HIVEP3: variants seen among roughly 807,000 people sequenced by gnomAD.
The protein encoded by HIVEP3 is transcription factor HIVEP3.
Under a neutral mutation model 152.8 loss-of-function variants are expected in HIVEP3, and 49 were observed. The observed-to-expected ratio is 0.32, with a 90% CI of 0.26 to 0.41. HIVEP3 has a LOEUF of 0.41. HIVEP3 is among the 10% of genes least tolerant of loss of function. The pLI is 1.00. For missense variants in HIVEP3, 2,790 were observed against 3,103.3 expected (o/e 0.90, Z 2.40); for synonymous variants, 1,269 against 1,289.0 (o/e 0.98, Z 0.33).
intron 5 of HIVEP3, among the ~76,000 whole-genome samples, chr1:41,551,235 C>T (rs569042167): frequency 2.0e-5 from 3 of 152,170 alleles, no homozygotes; most frequent in African/African-American, 4.8e-5. Context: ...CCACGTTGAT[C>T]GTGGTGGATA....
At chr1:42,014,896 G>A (rs1381645145) in intron 1 of HIVEP3, among the ~76,000 whole-genome samples, 2 of 152,112 alleles carry the variant, frequency 1.3e-5, no homozygotes, top group African/African-American at 2.4e-5. Flanking sequence ...CTGGGCTCCT[G>A]TACAGTCATG....
In HIVEP3 at chr1:41,595,620, T is replaced by G. The variant is rs139016405; in HGVS notation, c.-521-10302A>C. The stretch of plus-strand genomic sequence containing the variant: ...GATTAATATCGAATGTCAACTTGAT[T>G]GGATTGAAGGATGAAGAGGGTGTTG... On this transcript the variant is annotated intron_variant, in intron 3 of 8. Transcript: ENST00000372583. Among the ~76,000 whole-genome samples, 399 of 152,316 alleles carry G rather than the reference T, an allele frequency of 2.6e-3. 7 individuals carry two copies. In the South Asian group the frequency reaches 0.044, roughly 17 times the overall value.
intron 1 of HIVEP3, among the ~76,000 whole-genome samples, chr1:41,747,353 C>T (rs1647088214): frequency 6.6e-6 from 1 of 152,226 alleles, no homozygotes; most frequent in African/African-American, 2.4e-5. Flanking sequence ...GCCATGCACC[C>T]ATGGCAGTGC....
chr1:41,909,562 T>C (rs1017247534), intron 1 of HIVEP3, among the ~76,000 whole-genome samples: 7 of 152,036 alleles, frequency 4.6e-5, no homozygotes, highest in African/African-American at 7.2e-5. Context: ...CAGTAACTGA[T>C]TGAACAAGCA....
intron 1 of HIVEP3, among the ~76,000 whole-genome samples, chr1:41,954,309 A>C (rs1301411236): frequency 1.3e-5 from 2 of 152,154 alleles, no homozygotes; most frequent in Non-Finnish European, 2.9e-5. Context: ...ACCCCCAAGA[A>C]CTCATTAGTA....
chr1:41,715,861 T>A (rs1646584665), intron 1 of HIVEP3, among the ~76,000 whole-genome samples: 1 of 152,210 alleles, frequency 6.6e-6, no homozygotes, highest in African/African-American at 2.4e-5. Context: ...CACCTTAGCA[T>A]TTCTCTATGT....
exon 1 of HIVEP3, chr1:42,035,837 G>C (rs1645640831): frequency 6.7e-6 from 1 of 150,342 alleles, no homozygotes; most frequent in Non-Finnish European, 1.5e-5. Context: ...GCGGGAGGCG[G>C]CTTGGGATGC....
Position 41,968,229 on chromosome 1 carries a change from C to A in HIVEP3, n.120-49705G>T, listed in dbSNP as rs571219665. Among the ~76,000 whole-genome samples the A allele has an allele frequency of 2.6e-5, 4 of 151,736 alleles. No homozygotes were observed. The East Asian group carries it at 7.7e-4, about 29-fold the overall frequency. On this transcript the variant is annotated intron_variant and non_coding_transcript_variant, in intron 1 of 3. Coordinates refer to the HIVEP3 transcript ENST00000489103. The stretch of plus-strand genomic sequence containing the variant: ...CAGCATAATCCTGATAGAGATACAA[C>A]CTGGCAGAGATACAAAAAAAAAAAG...
chr1:42,008,401 A>G (rs950580484), intron 1 of HIVEP3, among the ~76,000 whole-genome samples: 1 of 152,264 alleles, frequency 6.6e-6, no homozygotes, highest in Non-Finnish European at 1.5e-5. Flanking sequence ...ATCATACGAT[A>G]AAGCCATTAT....
chr1:41,760,084 G>A (rs988402042), intron 1 of HIVEP3, among the ~76,000 whole-genome samples: 2 of 152,112 alleles, frequency 1.3e-5, no homozygotes, highest in Non-Finnish European at 2.9e-5. Flanking sequence ...GAGGCAGTAG[G>A]ATTGCTTGAG....
intron 1 of HIVEP3, among the ~76,000 whole-genome samples, chr1:41,761,939 C>T (rs1647713831): frequency 6.6e-6 from 1 of 152,228 alleles, no homozygotes; most frequent in African/African-American, 2.4e-5. Context: ...AGTTACAAGT[C>T]CCAGGTAAAT....
chr1:41,976,342 T>G (rs113206236), intron 1 of HIVEP3, among the ~76,000 whole-genome samples: 2,843 of 152,284 alleles, frequency 0.019, 69 homozygotes, highest in African/African-American at 0.063. Context: ...TTGGCTCAGG[T>G]GGAAGCATTC....
At chr1:41,705,160 G>C (rs1646414649) in intron 1 of HIVEP3, among the ~76,000 whole-genome samples, 1 of 152,222 alleles carries the variant, frequency 6.6e-6, no homozygotes, top group African/African-American at 2.4e-5. Context: ...AGAGGCAAGA[G>C]AACGTGTCCA....
rs1236806326 is a variant in HIVEP3 at position 41,533,580 on chromosome 1, C to T, written c.5208-8670G>A. Among the ~76,000 whole-genome samples, 1 of 152,122 alleles carries T rather than the reference C, an allele frequency of 6.6e-6. No individual in the cohort carries two copies. Among genetic ancestry groups the T allele is most frequent in the East Asian group, 1.9e-4 (1 of 5,162 alleles). On this transcript the variant is annotated intron_variant, in intron 5 of 8. Transcript: ENST00000372583. The surrounding 1 kb of genome is among the most constrained non-coding windows in gnomAD (Gnocchi z 4.3). ...CCAACTGTTCTTGCCAAGGTCACAG[C>T]TTGCTCCATTGAAAGTCCATTTGCC... is the stretch of plus-strand genomic sequence containing the variant.
chr1:41,552,087 G>T (rs1198250012), intron 5 of HIVEP3, among the ~76,000 whole-genome samples: 1 of 152,114 alleles, frequency 6.6e-6, no homozygotes, highest in Non-Finnish European at 1.5e-5. Context: ...TTGTGTCTTT[G>T]TTCTCATTGG....
At chr1:41,979,702 G>C (rs1415362512) in intron 1 of HIVEP3, among the ~76,000 whole-genome samples, 1 of 152,136 alleles carries the variant, frequency 6.6e-6, no homozygotes, top group Non-Finnish European at 1.5e-5. Flanking sequence ...AAGTAACACT[G>C]GTTGATTTCT....
intron 1 of HIVEP3, among the ~76,000 whole-genome samples, chr1:41,892,141 C>A (rs1214946301): frequency 6.6e-6 from 1 of 152,152 alleles, no homozygotes. Flanking sequence ...AAGCCATTAA[C>A]CCATAAAAAC....
intron 1 of HIVEP3, among the ~76,000 whole-genome samples, chr1:41,755,109 A>C (rs1237456197): frequency 6.6e-6 from 1 of 152,250 alleles, no homozygotes; most frequent in Non-Finnish European, 1.5e-5. Context: ...ACAGATACAT[A>C]GGTCACTGGA....
intron 3 of HIVEP3, among the ~76,000 whole-genome samples, chr1:41,616,346 G>T (rs1480838553): frequency 1.3e-5 from 2 of 152,150 alleles, no homozygotes; most frequent in African/African-American, 2.4e-5. Flanking sequence ...CTGCACAAAG[G>T]ACGTGTCTTG....
Sources: allele counts gnomAD v4.1 joint callset (sites outside exome capture counted in the v4.1 genomes callset), GRCh38; gene constraint gnomAD v4.1.1; non-coding constraint Gnocchi (gnomAD v3.1); transcripts MANE v1.5; gene names NCBI Gene and HGNC (gene_info 2026-07-23, HGNC 2026-07-21).